The following TTC7B variants were observed in gnomAD, a reference collection of about 807,000 sequenced individuals.
TTC7B encodes the protein tetratricopeptide repeat protein 7B.
In TTC7B, 28 loss-of-function variants were observed where a neutral mutation model predicts 106.8. The ratio of observed to expected loss-of-function variants is 0.26; its 90% CI spans 0.19 to 0.36. TTC7B has a LOEUF of 0.36. TTC7B is among the 10% of genes least tolerant of loss of function. The pLI is 1.00. For missense variants in TTC7B, 862 were observed against 1,076.4 expected (o/e 0.80, Z 2.79); for synonymous variants, 405 against 430.6 (o/e 0.94, Z 0.74).
In TTC7B at chr14:90,551,396, A is replaced by C. The variant is rs572855642; in HGVS notation, c.2311-9807T>G. On this transcript the variant is annotated intron_variant, in intron 19 of 19. Transcript: ENST00000328459. The stretch of plus-strand genomic sequence containing the variant: ...CTTTCTGGAAGCCCACCAGGCCTCT[A>C]AGAGTGGGTTCCCTGACCTGAGGAA... Among the ~76,000 whole-genome samples, 168 of 152,276 alleles carry C rather than the reference A, an allele frequency of 1.1e-3. 1 individual carries two copies. Among genetic ancestry groups the C allele is most frequent in the African/African-American group, 3.9e-3 (161 of 41,556 alleles).
chr14:90,556,375 C>A (rs1242985379), intron 19 of TTC7B, among the ~76,000 whole-genome samples: 1 of 152,066 alleles, frequency 6.6e-6, no homozygotes, highest in Admixed American at 6.5e-5. Context: ...CTGGCTGGAA[C>A]GTGGCGGTAG....
rs563099424 is a variant in TTC7B at position 90,815,980 on chromosome 14, G to T, written c.121+195C>A. On this transcript the variant is annotated intron_variant, in intron 1 of 19. Transcript: ENST00000328459. ...CGGGACAGCCCCTGGCGCCCCCCCG[G>T]GCCCCCACACCGCGTGACTCCGGGG... is the stretch of plus-strand genomic sequence containing the variant. Among the ~76,000 whole-genome samples the T allele has an allele frequency of 2.0e-5, 3 of 151,130 alleles. No individual in the cohort carries two copies. In the South Asian group the frequency reaches 6.3e-4, roughly 32 times the overall value.
At chr14:90,766,621 C>T in intron 3 of TTC7B, 2 of 988,856 alleles carry the variant, frequency 2.0e-6, no homozygotes, top group Non-Finnish European at 3.3e-6. Context: ...CTTTACCATC[C>T]CTGCCATTAA....
chr14:90,605,861 A>G (rs903562100), intron 17 of TTC7B: 21 of 856,058 alleles, frequency 2.5e-5, no homozygotes, highest in Non-Finnish European at 1.8e-5. Context: ...TAAGCTGCAA[A>G]GAAAATGAGG....
At position 90,655,129 on chromosome 14, in the gene TTC7B, T is replaced by C. The variant is rs768855662; in HGVS notation, c.1342-19A>G. ...CTTCCAACTGAAAAATGAGACAAGT[T>C]AAAAACAACAACAACCTGCAGAATT... On this transcript the variant is annotated intron_variant, in intron 11 of 19. Transcript: ENST00000328459. 6 of 1,579,418 alleles carry C rather than the reference T, an allele frequency of 3.8e-6. No homozygotes were observed. Among genetic ancestry groups the C allele is most frequent in the South Asian group, 1.1e-5 (1 of 90,422 alleles).
At chr14:90,635,717 G>A (rs1410455850) in intron 15 of TTC7B, among the ~76,000 whole-genome samples, 5 of 147,102 alleles carry the variant, frequency 3.4e-5, no homozygotes, top group South Asian at 2.1e-4. Flanking sequence ...CCGAGATTGC[G>A]CCACTGCACT....
intron 16 of TTC7B, among the ~76,000 whole-genome samples, chr14:90,614,380 A>G (rs1892984478): frequency 6.6e-6 from 1 of 152,260 alleles, no homozygotes. Context: ...AACTGAGGTT[A>G]GAGCAAAGAA....
intron 1 of TTC7B, among the ~76,000 whole-genome samples, chr14:90,814,591 C>T (rs2037926226): frequency 6.6e-6 from 1 of 152,134 alleles, no homozygotes; most frequent in South Asian, 2.1e-4. Context: ...GACCAGGAGG[C>T]TCACAAATAA....
chr14:90,743,797 G>A (rs1017508460), intron 4 of TTC7B, among the ~76,000 whole-genome samples: 2 of 152,132 alleles, frequency 1.3e-5, no homozygotes, highest in Non-Finnish European at 2.9e-5. Context: ...AATCGAGGCT[G>A]AGAGGTGAAG....
At chr14:90,800,818 G>A (rs2030217168) in intron 1 of TTC7B, among the ~76,000 whole-genome samples, 1 of 151,340 alleles carries the variant, frequency 6.6e-6, no homozygotes, top group Admixed American at 6.6e-5. Context: ...CTCAAAAAAA[G>A]GTCAGAGTCC....
At chr14:90,654,961 C>A in intron 12 of TTC7B, 32 bp downstream of exon 12, 3 of 1,516,922 alleles carry the variant, frequency 2.0e-6, no homozygotes, top group Non-Finnish European at 2.7e-6. Context: ...AGCCCTGCAG[C>A]TCAGCAGCTG....
intron 3 of TTC7B, among the ~76,000 whole-genome samples, chr14:90,754,602 T>A (rs1293303792): frequency 6.6e-6 from 1 of 152,208 alleles, no homozygotes; most frequent in African/African-American, 2.4e-5. Flanking sequence ...ATTATTCACA[T>A]ACCATAAAAT....
intron 9 of TTC7B, among the ~76,000 whole-genome samples, chr14:90,660,395 C>CAAAAAAAAAAAAAAAAAAA (rs57030874): frequency 7.3e-5 from 3 of 40,892 alleles, no homozygotes; most frequent in Non-Finnish European, 1.3e-4. Flanking sequence ...CACCCTGTCT[C>CAAAAAAAAAAAAAAAAAAA]AAAAAAAAAA....
chr14:90,733,173 T>C (rs891792180), intron 4 of TTC7B, among the ~76,000 whole-genome samples: 3 of 152,052 alleles, frequency 2.0e-5, no homozygotes, highest in Admixed American at 6.5e-5. Flanking sequence ...CACTGTGTCT[T>C]AGGCACCATG....
At chr14:90,789,634 A>G (rs1317432270) in intron 1 of TTC7B, among the ~76,000 whole-genome samples, 3 of 91,826 alleles carry the variant, frequency 3.3e-5, no homozygotes, top group Non-Finnish European at 2.9e-5. Flanking sequence ...CGTGGCTCAC[A>G]GCTGTAATCC....
chr14:90,715,767 A>T (rs1888631914), intron 5 of TTC7B, among the ~76,000 whole-genome samples: 1 of 152,142 alleles, frequency 6.6e-6, no homozygotes, highest in South Asian at 2.1e-4. Flanking sequence ...TCAGCACTCA[A>T]CCATGACCAC....
intron 17 of TTC7B, among the ~76,000 whole-genome samples, chr14:90,606,912 T>C (rs1336555068): frequency 8.5e-5 from 13 of 152,182 alleles, no homozygotes; most frequent in Admixed American, 8.5e-4. Flanking sequence ...GGCTGCACTG[T>C]ATAAGGACCC....
Position 90,663,776 on chromosome 14 carries a change from C to T in TTC7B, c.1153-5389G>A, listed in dbSNP as rs893075389. On this transcript the variant is annotated intron_variant, in intron 9 of 19. Transcript: ENST00000328459. The surrounding 1 kb of genome is among the most constrained non-coding windows in gnomAD (Gnocchi z 4.5). ...AAATCTGGGTCAATTACAGATTAGC[C>T]CTCCACCCCAATTCAGAGGTGTGTG... Among the ~76,000 whole-genome samples, 5 of 152,158 alleles carry T rather than the reference C, an allele frequency of 3.3e-5. No individual in the cohort carries two copies. Among genetic ancestry groups the T allele is most frequent in the African/African-American group, 1.2e-4 (5 of 41,430 alleles).
In TTC7B at chr14:90,767,043, AAAG is replaced by A. The variant is rs1198693716; in HGVS notation, c.445+13692_445+13694del. 4.4e-4 allele frequency: 356 copies of A among 811,134 alleles called. 2 individuals are homozygous for A. The highest frequency in any genetic ancestry group is 1.8e-3 in the East Asian group (64 of 35,132). 50.2% of individuals were successfully genotyped at this position (811,134 alleles called of 1,614,324 possible). On this transcript the variant is annotated intron_variant, in intron 3 of 19. Coordinates refer to ENST00000328459, the MANE Select transcript of TTC7B (RefSeq NM_001010854.2). The stretch of plus-strand genomic sequence containing the variant: ...GTTTATATACCAAAAAAAAAAAAAA[AAAG>A]AAAGAAAGGAAGAAAAGAAATTCTG...
Sources: gnomAD v4.1 joint callset for allele counts (sites outside exome capture counted in the v4.1 genomes callset) on GRCh38, gnomAD v4.1.1 for gene constraint, Gnocchi (gnomAD v3.1) non-coding constraint, MANE v1.5 for transcripts, NCBI Gene and HGNC (gene_info 2026-07-23, HGNC 2026-07-21) for gene names.